FEZ1: variants seen among roughly 807,000 people sequenced by gnomAD.
FEZ1 encodes the protein fasciculation and elongation protein zeta 1.
In FEZ1, 20 loss-of-function variants were observed where a neutral mutation model predicts 49.3. That is an observed-to-expected ratio of 0.41 (90% confidence interval 0.29 to 0.59). The LOEUF is 0.59. Among genes scored for constraint, FEZ1 ranks in the 20% least tolerant of loss-of-function variants. FEZ1 has a pLI of 0.36. For missense variants in FEZ1, 413 were observed against 476.0 expected (o/e 0.87, Z 1.23); for synonymous variants, 170 against 180.9 (o/e 0.94, Z 0.48).
At chr11:125,475,603 G>A (rs1380551415) in intron 3 of FEZ1, among the ~76,000 whole-genome samples, 1 of 152,060 alleles carries the variant, frequency 6.6e-6, no homozygotes, top group African/African-American at 2.4e-5. Flanking sequence ...GGTGGGAGGA[G>A]GGAGAGGATC....
intron 6 of FEZ1, chr11:125,455,614 A>G (rs568242753): frequency 1.1e-5 from 7 of 615,592 alleles, no homozygotes; most frequent in African/African-American, 1.1e-4. Context: ...ATTATTTCCT[A>G]ATGTACACAC....
intron 3 of FEZ1, among the ~76,000 whole-genome samples, chr11:125,475,199 G>T (rs1286804500): frequency 6.6e-6 from 1 of 151,844 alleles, no homozygotes; most frequent in Non-Finnish European, 1.5e-5. Flanking sequence ...GAGTCCGGGA[G>T]GTGGAGGTTG....
intron 3 of FEZ1, among the ~76,000 whole-genome samples, chr11:125,478,996 T>C (rs1957256786): frequency 6.6e-6 from 1 of 152,192 alleles, no homozygotes; most frequent in Non-Finnish European, 1.5e-5. Context: ...TCCATCTTCT[T>C]TGCGGTTTGG....
At chr11:125,477,920 A>C (rs1957246527) in intron 3 of FEZ1, among the ~76,000 whole-genome samples, 1 of 151,788 alleles carries the variant, frequency 6.6e-6, no homozygotes, top group South Asian at 2.1e-4. Context: ...GGGAAAGACA[A>C]GAAGGCAGGG....
At chr11:125,473,554 C>G (rs867638679) in intron 3 of FEZ1, among the ~76,000 whole-genome samples, 1 of 152,174 alleles carries the variant, frequency 6.6e-6, no homozygotes, top group Non-Finnish European at 1.5e-5. Context: ...CACAGTGGCT[C>G]ATACCTGTAA....
In FEZ1 at chr11:125,489,542, G is replaced by C; in HGVS notation, c.236C>G (p.Ala79Gly). ...KLNVCFRNYN[A>G]KTENLAPVKN... ...CACGGGAGCTAGGTTCTCGGTCTTG[G>C]CGTTGTAGTTCCGAAAGCAGACATT... The change falls in exon 2 of 10, where the codon GCC (alanine) becomes GGC (glycine). Residue 79 changes from alanine (A) to glycine (G), a missense_variant. Physicochemically the swap from Ala to Gly is moderately conservative, Grantham distance 60 (BLOSUM62 0). Coordinates refer to ENST00000278919, the MANE Select transcript of FEZ1 (RefSeq NM_005103.5). The surrounding 1 kb of genome is among the most constrained non-coding windows in gnomAD (Gnocchi z 4.2). 1 of 1,614,102 alleles carries C rather than the reference G, an allele frequency of 6.2e-7. No individual in the cohort carries two copies. Among genetic ancestry groups the C allele is most frequent in the Non-Finnish European group, 8.5e-7 (1 of 1,179,996 alleles).
chr11:125,472,373 G>A (rs1016827557), intron 3 of FEZ1, among the ~76,000 whole-genome samples: 1 of 151,326 alleles, frequency 6.6e-6, no homozygotes, highest in African/African-American at 2.4e-5. Context: ...GAGAGTGAGA[G>A]AGGGATGGAG....
rs933222076 is a variant in FEZ1 at position 125,472,395 on chromosome 11, A to T, written c.412-8825T>A. Among the ~76,000 whole-genome samples, 4 of 152,058 alleles carry T rather than the reference A, an allele frequency of 2.6e-5. No individual in the cohort carries two copies. In the East Asian group the frequency reaches 7.7e-4, roughly 29 times the overall value. On this transcript the variant is annotated intron_variant, in intron 3 of 9. Coordinates refer to ENST00000278919, the MANE Select transcript of FEZ1 (RefSeq NM_005103.5). ...AGAGAGGGATGGAGGGAGAGAGAAC[A>T]CAAATTAACAATGTCAGGAATAGAA...
intron 9 of FEZ1, among the ~76,000 whole-genome samples, chr11:125,446,701 A>G (rs1298977673): frequency 6.6e-6 from 1 of 151,898 alleles, no homozygotes; most frequent in Admixed American, 6.6e-5. Context: ...TTTTTGAGAC[A>G]GGGTCTTGCT....
Position 125,444,817 on chromosome 11 carries a change from C to T in FEZ1, c.*1278G>A, listed in dbSNP as rs905316497. ...CTACCACTTCCTACACAGCCTTGGG[C>T]GAGCTACTGAACATCTCTGCTGCTT... On this transcript the variant is annotated 3_prime_UTR_variant, in exon 10 of 10. Coordinates refer to ENST00000278919, the MANE Select transcript of FEZ1 (RefSeq NM_005103.5). Among the ~76,000 whole-genome samples, 6 of 152,182 alleles carry T rather than the reference C, an allele frequency of 3.9e-5. No individual in the cohort carries two copies. Among genetic ancestry groups the T allele is most frequent in the African/African-American group, 4.8e-5 (2 of 41,448 alleles).
At chr11:125,446,192 G>GGTGTGACTGCTCTCAGCT in intron 9 of FEZ1, 81 bp from the exon 10 acceptor site, 3 of 1,362,802 alleles carry the variant, frequency 2.2e-6, no homozygotes, top group Non-Finnish European at 3.2e-6. Flanking sequence ...AGCCCTAGCT[G>GGTGTGACTGCTCTCAGCT]AGAGCAGTCA....
intron 1 of FEZ1, among the ~76,000 whole-genome samples, chr11:125,493,508 GAGAAAGAA>G (rs1309003744): frequency 3.0e-5 from 2 of 65,966 alleles, no homozygotes; most frequent in Non-Finnish European, 6.1e-5. Flanking sequence ...GAAAGAAAGA[GAGAAAGAA>G]AGAAAGAAAG....
rs139491400 is a variant in FEZ1, at chr11:125,492,449, G to A, written c.-45-2627C>T. ...CAGGCTTCTCCATACCACCAAAGGA[G>A]GTCATAGTGCAAAAAAGATTAAGAA... On this transcript the variant is annotated intron_variant, in intron 1 of 9. Transcript: ENST00000278919. Among the ~76,000 whole-genome samples the A allele has an allele frequency of 7.1e-3, 1,084 of 152,288 alleles. 20 individuals are homozygous for A. The highest frequency in any genetic ancestry group is 0.023 in the African/African-American group (948 of 41,548).
chr11:125,446,834 C>CTAG (rs1956903699), intron 9 of FEZ1, among the ~76,000 whole-genome samples: 1 of 149,662 alleles, frequency 6.7e-6, no homozygotes, highest in South Asian at 2.1e-4. Context: ...CGCACCACTA[C>CTAG]ACCTGGCTGA....
At chr11:125,461,459 T>C (rs908657747) in intron 4 of FEZ1, among the ~76,000 whole-genome samples, 4 of 152,080 alleles carry the variant, frequency 2.6e-5, no homozygotes, top group Non-Finnish European at 5.9e-5. Flanking sequence ...GCAGAAAAAT[T>C]AGCCAGTTGT....
rs1251432004 is a variant in FEZ1 at position 125,496,173 on chromosome 11, C to G, written c.-98G>C. 1 of 152,604 alleles carries G rather than the reference C, an allele frequency of 6.6e-6. No individual in the cohort carries two copies. The highest frequency in any genetic ancestry group is 2.4e-5 in the African/African-American group (1 of 41,448). 9.5% of individuals were successfully genotyped at this position (152,604 alleles called of 1,614,324 possible). On this transcript the variant is annotated 5_prime_UTR_variant, in exon 1 of 10. Transcript: ENST00000278919. ...GATCCCGGGGCTCAGCCGGACACCC[C>G]CATCCACGGGCCGCGGGAGCGGCCG...
At chr11:125,488,730 C>T (rs1236714573) in intron 2 of FEZ1, 11 of 985,108 alleles carry the variant, frequency 1.1e-5, no homozygotes, top group East Asian at 1.1e-4. Context: ...CCGAGGATAG[C>T]GGGGAACCAC....
At chr11:125,447,553 G>A (rs894288856) in intron 9 of FEZ1, among the ~76,000 whole-genome samples, 8 of 152,194 alleles carry the variant, frequency 5.3e-5, no homozygotes. Context: ...TGGGCACAGT[G>A]GCTCATTCCT....
intron 4 of FEZ1, chr11:125,463,244 T>A (rs1957092577): frequency 4.1e-6 from 1 of 246,432 alleles, no homozygotes. Flanking sequence ...AGGCAGAGGT[T>A]GCAATGAGCC....
Sources: gnomAD v4.1 joint callset for allele counts (sites outside exome capture counted in the v4.1 genomes callset) on GRCh38, gnomAD v4.1.1 for gene constraint, Gnocchi (gnomAD v3.1) non-coding constraint, MANE v1.5 for transcripts, NCBI Gene and HGNC (gene_info 2026-07-23, HGNC 2026-07-21) for gene names.